MTUS1: variants seen among roughly 807,000 people sequenced by gnomAD.
The protein encoded by MTUS1 is microtubule associated scaffold protein 1.
A neutral mutation model predicts 120.8 loss-of-function variants in MTUS1; 109 were observed. The ratio of observed to expected loss-of-function variants is 0.90; its 90% confidence interval spans 0.77 to 1.06. The LOEUF is 1.06. MTUS1 is among the 50% of genes least tolerant of loss of function. The probability of loss-of-function intolerance (pLI) is 0.00; values close to 1 mark genes in which losing one functional copy is unlikely to be tolerated. For missense variants in MTUS1, 2,210 were observed against 1,486.3 expected (o/e 1.49, Z -8.01); for synonymous variants, 737 against 550.5 (o/e 1.34, Z -4.74).
intron 2 of MTUS1, among the ~76,000 whole-genome samples, chr8:17,748,576 AG>A (rs2047946293): frequency 6.6e-6 from 1 of 152,190 alleles, no homozygotes; most frequent in Non-Finnish European, 1.5e-5. Flanking sequence ...AGAGCACTGT[AG>A]CATGCCCTCT....
intron 4 of MTUS1, among the ~76,000 whole-genome samples, chr8:17,720,603 A>C (rs1283268438): frequency 6.6e-6 from 1 of 152,218 alleles, no homozygotes; most frequent in Admixed American, 6.5e-5. Context: ...TGGAAGAGGA[A>C]GTAATGTCTT....
At chr8:17,661,595 G>A (rs186532972) in intron 8 of MTUS1, among the ~76,000 whole-genome samples, 1 of 151,958 alleles carries the variant, frequency 6.6e-6, no homozygotes, top group East Asian at 1.9e-4. Flanking sequence ...AGGATACACA[G>A]AAGTCCTTTC....
chr8:17,771,381 T>A (rs1033674977), intron 1 of MTUS1, among the ~76,000 whole-genome samples: 7 of 152,206 alleles, frequency 4.6e-5, no homozygotes, highest in African/African-American at 1.7e-4. Flanking sequence ...CAAAACAAAA[T>A]AAATTTATGC....
chr8:17,655,978 G>A lies in MTUS1; in HGVS notation c.2993C>T (p.Ala998Val). ...CCGATTCTCTCGTTCTGTTTTTTCAGCCTGGTGCTGCTGGACGAATGCTTC... is the reference window on the plus strand; with the variant it reads ...CCGATTCTCTCGTTCTGTTTTTTCAACCTGGTGCTGCTGGACGAATGCTTC... Reference protein sequence around the residue: ...VYEAFVQQHQAEKTERENRLK... With the variant: ...VYEAFVQQHQVEKTERENRLK... Residue 998 changes from alanine (A) to valine (V), a missense_variant, in exon 9 of 15, where the codon GCT becomes GTT. By Grantham distance (64) the Ala-to-Val change is moderately conservative. Transcript: ENST00000693296. 6.2e-7 allele frequency: 1 copy of A among 1,614,122 alleles called. No individual in the cohort carries two copies.
chr8:17,660,936 AG>A (rs1210226074), intron 8 of MTUS1, among the ~76,000 whole-genome samples: 3 of 152,234 alleles, frequency 2.0e-5, no homozygotes, highest in Non-Finnish European at 2.9e-5. Context: ...GCCAGATTAC[AG>A]GGGCCATCGC....
At chr8:17,684,278 G>T in intron 7 of MTUS1, 50 bp downstream of exon 7, 4 of 1,400,024 alleles carry the variant, frequency 2.9e-6, no homozygotes, top group Non-Finnish European at 4.1e-6. Context: ...TCCTCCCCGT[G>T]CTCCCCCGAC....
At chr8:17,784,875 C>CCCT (rs1231014691) in intron 1 of MTUS1, among the ~76,000 whole-genome samples, 1 of 151,880 alleles carries the variant, frequency 6.6e-6, no homozygotes, top group Non-Finnish European at 1.5e-5. Context: ...ACCTCCGCCT[C>CCCT]CCGGCTTCAA....
chr8:17,792,858 T>C lies in MTUS1; in HGVS notation c.-155+8203A>G, dbSNP rs1025973846. On this transcript the variant is annotated intron_variant, in intron 1 of 14. Coordinates refer to ENST00000693296, the MANE Select transcript of MTUS1 (RefSeq NM_001363059.2). ...CAGCCTGTGACACAGCAAGACTCTG[T>C]CTCAAAAAAAATCTGAAAGCAAAAC... 7.2e-5 allele frequency among the ~76,000 whole-genome samples: 11 copies of C among 152,268 alleles called. 1 individual carries two copies. The East Asian group carries it at 2.1e-3, about 29-fold the overall frequency.
At chr8:17,789,706 C>G (rs1272990175) in intron 1 of MTUS1, among the ~76,000 whole-genome samples, 1 of 152,194 alleles carries the variant, frequency 6.6e-6, no homozygotes, top group Non-Finnish European at 1.5e-5. Context: ...GTTAGGCTTT[C>G]TGCTAGCAAG....
At chr8:17,716,563 T>C (rs1223964154) in intron 4 of MTUS1, 2 of 158,022 alleles carry the variant, frequency 1.3e-5, no homozygotes, top group African/African-American at 2.4e-5. Context: ...TTTGTTTGTT[T>C]GTTTGTTTTG....
chr8:17,730,854 G>T (rs1209305973), intron 3 of MTUS1, among the ~76,000 whole-genome samples: 2 of 152,168 alleles, frequency 1.3e-5, no homozygotes, highest in Non-Finnish European at 2.9e-5. Context: ...ATGGATACAG[G>T]ATTTCAGGGG....
chr8:17,784,013 G>A (rs193172195), intron 1 of MTUS1, among the ~76,000 whole-genome samples: 9 of 152,294 alleles, frequency 5.9e-5, no homozygotes, highest in Admixed American at 5.2e-4. Flanking sequence ...ATTGAGATTT[G>A]TGGAATTCAA....
chr8:17,783,452 G>C (rs896183570), intron 1 of MTUS1, among the ~76,000 whole-genome samples: 51 of 152,326 alleles, frequency 3.3e-4, no homozygotes, highest in African/African-American at 1.2e-3. Flanking sequence ...TTAGATGGGA[G>C]TGTAGGAAGA....
At chr8:17,757,080 T>C (rs1265896217) in intron 1 of MTUS1, among the ~76,000 whole-genome samples, 1 of 152,122 alleles carries the variant, frequency 6.6e-6, no homozygotes, top group Non-Finnish European at 1.5e-5. Context: ...ACATGGGAAC[T>C]TGCACACAAA....
At chr8:17,696,741 G>C (rs1263708818) in intron 6 of MTUS1, among the ~76,000 whole-genome samples, 4 of 152,270 alleles carry the variant, frequency 2.6e-5, no homozygotes, top group Non-Finnish European at 5.9e-5. Context: ...CTAGATTTGT[G>C]ATTCACTTAC....
intron 1 of MTUS1, among the ~76,000 whole-genome samples, chr8:17,776,678 C>CAAAAA (rs71215272): frequency 1.8e-5 from 1 of 55,178 alleles, no homozygotes; most frequent in Non-Finnish European, 3.1e-5. Context: ...GACTCTGTCT[C>CAAAAA]AAAAAAAAAA....
At chr8:17,740,098 C>G (rs1424043093) in intron 3 of MTUS1, among the ~76,000 whole-genome samples, 1 of 152,036 alleles carries the variant, frequency 6.6e-6, no homozygotes, top group African/African-American at 2.4e-5. Flanking sequence ...ATCCCAGCTA[C>G]TCAGGAGGCT....
intron 1 of MTUS1, chr8:17,758,201 T>C (rs566469136): frequency 1.3e-5 from 2 of 152,344 alleles, no homozygotes; most frequent in East Asian, 3.9e-4. Flanking sequence ...CAAACTTCAG[T>C]GGCCTGAATA....
At chr8:17,682,963 T>C (rs990399551) in intron 7 of MTUS1, among the ~76,000 whole-genome samples, 16 of 151,936 alleles carry the variant, frequency 1.1e-4, no homozygotes, top group Non-Finnish European at 1.9e-4. Context: ...TGGAGAAAGC[T>C]GTAAAATACT....
Sources: allele counts gnomAD v4.1 joint callset (sites outside exome capture counted in the v4.1 genomes callset), GRCh38; gene constraint gnomAD v4.1.1; transcripts MANE v1.5; gene names NCBI Gene and HGNC (gene_info 2026-07-23, HGNC 2026-07-21).